The following ARHGEF37 variants were observed in gnomAD, a reference collection of about 807,000 sequenced individuals.
ARHGEF37 encodes the protein Rho guanine nucleotide exchange factor (GEF) 37.
ARHGEF37 carries 55 observed loss-of-function variants against 71.1 expected under a neutral mutation model. The observed-to-expected ratio is 0.77, with a 90% CI of 0.62 to 0.97. The LOEUF (loss-of-function observed/expected upper bound fraction) is 0.97. Ranked by LOEUF, ARHGEF37 falls within the 50% of genes least tolerant of loss-of-function variation. The probability of loss-of-function intolerance (pLI) is 0.00; values close to 1 mark genes in which losing one functional copy is unlikely to be tolerated. For missense variants in ARHGEF37, 765 were observed against 836.8 expected (o/e 0.91, Z 1.06); for synonymous variants, 327 against 350.6 (o/e 0.93, Z 0.75).
chr5:149,625,050 C>T (rs1264976373), intron 10 of ARHGEF37, among the ~76,000 whole-genome samples: 1 of 151,820 alleles, frequency 6.6e-6, no homozygotes, highest in East Asian at 1.9e-4. Context: ...AGGCACCCAC[C>T]ACTACGCCTG....
At chr5:149,615,102 T>C (rs1531236) in intron 4 of ARHGEF37, among the ~76,000 whole-genome samples, 34,893 of 152,082 alleles carry the variant, frequency 0.23, 4,892 homozygotes, top group Admixed American at 0.38. Flanking sequence ...CATCCATGCA[T>C]CAGTGGTGTA....
chr5:149,624,262 A>G, intron 10 of ARHGEF37, 122 bp downstream of exon 10: 2 of 1,335,816 alleles, frequency 1.5e-6, no homozygotes, highest in South Asian at 3.5e-5. Flanking sequence ...TATCCATGGA[A>G]ATATGTTCTC....
intron 1 of ARHGEF37, among the ~76,000 whole-genome samples, chr5:149,572,827 C>T (rs1762983230): frequency 6.6e-6 from 1 of 152,202 alleles, no homozygotes; most frequent in African/African-American, 2.4e-5. Context: ...TTTCCTGAAT[C>T]TCCAGCCTGC....
intron 3 of ARHGEF37, among the ~76,000 whole-genome samples, chr5:149,608,867 A>G (rs1763990901): frequency 6.6e-6 from 1 of 152,132 alleles, no homozygotes; most frequent in African/African-American, 2.4e-5. Flanking sequence ...TGTGCTTGCC[A>G]CACATTTTAT....
chr5:149,610,148 A>G (rs573712335), intron 4 of ARHGEF37, among the ~76,000 whole-genome samples: 11 of 152,340 alleles, frequency 7.2e-5, no homozygotes, highest in Admixed American at 7.2e-4. Context: ...AGGGCATGCC[A>G]TCCTACCACA....
chr5:149,584,611 T>TC (rs1763185104), intron 1 of ARHGEF37, among the ~76,000 whole-genome samples: 1 of 152,090 alleles, frequency 6.6e-6, no homozygotes, highest in Admixed American at 6.5e-5. Context: ...CTTTTCTTTT[T>TC]CTTTTTTTTT....
intron 3 of ARHGEF37, among the ~76,000 whole-genome samples, chr5:149,601,589 G>A (rs893501207): frequency 2.6e-5 from 4 of 152,228 alleles, no homozygotes; most frequent in Non-Finnish European, 4.4e-5. Flanking sequence ...GAGAGTCTGA[G>A]CTTCTATTCT....
chr5:149,583,971 G>T (rs923758806), intron 1 of ARHGEF37, among the ~76,000 whole-genome samples: 1 of 152,016 alleles, frequency 6.6e-6, no homozygotes. Flanking sequence ...TATTGCCCAC[G>T]CTGGTCATGA....
chr5:149,568,325 C>T (rs955271643), intron 1 of ARHGEF37, among the ~76,000 whole-genome samples: 5 of 152,064 alleles, frequency 3.3e-5, no homozygotes, highest in African/African-American at 1.2e-4. Flanking sequence ...CCGTGCCTGG[C>T]CAATATACTT....
chr5:149,606,284 G>A (rs776468816), intron 3 of ARHGEF37, among the ~76,000 whole-genome samples: 13 of 152,070 alleles, frequency 8.5e-5, no homozygotes, highest in East Asian at 3.8e-4. Context: ...CTGCAGTTTC[G>A]GGTGGTCATG....
chr5:149,608,665 C>T lies in ARHGEF37; in HGVS notation c.311-883C>T, dbSNP rs548074817. ...GATTATAGGCGTGACCCACCACACC[C>T]GGCAGTAAGTACTGTTTCTATTTGC... On this transcript the variant is annotated intron_variant, in intron 3 of 12. Transcript: ENST00000333677. Among the ~76,000 whole-genome samples the T allele has an allele frequency of 2.1e-4, 32 of 152,112 alleles. No homozygotes were observed. The East Asian group carries it at 4.7e-3, about 22-fold the overall frequency.
intron 2 of ARHGEF37, among the ~76,000 whole-genome samples, chr5:149,598,415 CCTT>C (rs1441958306): frequency 4.2e-5 from 6 of 143,962 alleles, no homozygotes; most frequent in Non-Finnish European, 6.1e-5. Flanking sequence ...TTCCTCTTCT[CCTT>C]CTTCTCCTTC....
intron 1 of ARHGEF37, among the ~76,000 whole-genome samples, chr5:149,587,643 A>G (rs1037821088): frequency 2.0e-5 from 3 of 152,124 alleles, no homozygotes; most frequent in African/African-American, 4.8e-5. Flanking sequence ...GCCACCAAAT[A>G]GTGTGCCTCT....
chr5:149,627,098 G>T lies in ARHGEF37; in HGVS notation c.1487G>T (p.Arg496Leu). 6.2e-7 allele frequency: 1 copy of T among 1,613,566 alleles called. No individual in the cohort carries two copies. The highest frequency in any genetic ancestry group is 8.5e-7 in the Non-Finnish European group (1 of 1,179,708). ...CAGCCGCTCCTTCCAGGGTCTGAACGCCAGGTGCAGGCTCTCCTGAGCAGG... is the reference window on the plus strand; with the variant it reads ...CAGCCGCTCCTTCCAGGGTCTGAACTCCAGGTGCAGGCTCTCCTGAGCAGG... ...TTQPLLPGSE[R>L]QVQALLSRYG... Residue 496 changes from arginine (R) to leucine (L), a missense_variant, in exon 11 of 13, where the codon CGC (arginine) becomes CTC (leucine). This residue lies in a region of ARHGEF37 where 390 missense variants were observed against 407.4 expected (regional missense o/e 0.96). Coordinates refer to ENST00000333677, the MANE Select transcript of ARHGEF37 (RefSeq NM_001001669.3).
intron 1 of ARHGEF37, among the ~76,000 whole-genome samples, chr5:149,568,912 A>G (rs1762930528): frequency 6.8e-6 from 1 of 146,654 alleles, no homozygotes; most frequent in Non-Finnish European, 1.5e-5. Context: ...AGAGATAACA[A>G]CTGTTCTGAT....
chr5:149,575,378 T>A (rs776641821), intron 1 of ARHGEF37, among the ~76,000 whole-genome samples: 1 of 152,240 alleles, frequency 6.6e-6, no homozygotes, highest in South Asian at 2.1e-4. Flanking sequence ...CCTAAGAGCA[T>A]TCCTCTTTTT....
chr5:149,561,305 A>G (rs1350615664), intron 1 of ARHGEF37, among the ~76,000 whole-genome samples: 1 of 142,694 alleles, frequency 7.0e-6, no homozygotes, highest in African/African-American at 2.6e-5. Flanking sequence ...CAATAATTAT[A>G]CCTTACTTTT....
chr5:149,569,651 C>G (rs1762939225), intron 1 of ARHGEF37, among the ~76,000 whole-genome samples: 1 of 148,292 alleles, frequency 6.7e-6, no homozygotes, highest in East Asian at 2.1e-4. Flanking sequence ...GAGTCTTGCT[C>G]TGTCACCCGG....
intron 6 of ARHGEF37, 87 bp from the exon 7 acceptor site, chr5:149,618,851 G>T (rs963148200): frequency 8.3e-6 from 9 of 1,087,072 alleles, no homozygotes; most frequent in South Asian, 4.0e-5. Flanking sequence ...CTGTGGAAAG[G>T]TTGTCCCAGT....
Sources: allele counts gnomAD v4.1 joint callset (sites outside exome capture counted in the v4.1 genomes callset), GRCh38; gene constraint gnomAD v4.1.1; regional missense constraint gnomAD v4.1.1; transcripts MANE v1.5; gene names NCBI Gene and HGNC (gene_info 2026-07-23, HGNC 2026-07-21).